Variants in FER1L6 observed in about 807,000 individuals in gnomAD.
FER1L6 encodes the protein fer-1-like protein 6.
FER1L6 carries 177 observed loss-of-function variants against 219.2 expected under a neutral mutation model. The observed-to-expected ratio is 0.81, with a 90% CI of 0.71 to 0.91. The LOEUF (loss-of-function observed/expected upper bound fraction) is 0.91, where lower values mean the gene tolerates loss of function less well. FER1L6 is among the 40% of genes least tolerant of loss of function. The pLI, the probability that FER1L6 is intolerant of heterozygous loss-of-function variation, is 0.00. For missense variants in FER1L6, 2,153 were observed against 2,259.9 expected (o/e 0.95, Z 0.96); for synonymous variants, 768 against 824.3 (o/e 0.93, Z 1.17).
chr8:124,087,575 G>A (rs1359032498), intron 33 of FER1L6, among the ~76,000 whole-genome samples: 1 of 152,094 alleles, frequency 6.6e-6, no homozygotes, highest in Non-Finnish European at 1.5e-5. Flanking sequence ...TTGGTCACTG[G>A]TGCCTTATTT....
chr8:124,003,451 CTTTTTTTTTTTTTTTTTTT>C (rs71289633), intron 13 of FER1L6, 104 bp downstream of exon 13: 6 of 111,124 alleles, frequency 5.4e-5, no homozygotes, highest in East Asian at 2.1e-4. Context: ...CAGAAATGTC[CTTTTTTTTTTTTTTTTTTT>C]TTTTTTTTTT....
chr8:124,048,201 C>G (rs1284080379), intron 21 of FER1L6, among the ~76,000 whole-genome samples: 1 of 152,232 alleles, frequency 6.6e-6, no homozygotes, highest in Non-Finnish European at 1.5e-5. Context: ...TGGGGTTGCA[C>G]ATATTGCTTC....
intron 3 of FER1L6, among the ~76,000 whole-genome samples, chr8:123,965,452 A>G (rs1815494148): frequency 6.6e-6 from 1 of 152,232 alleles, no homozygotes. Context: ...GTTTTCAATT[A>G]CTTGTGATAG....
At chr8:123,871,442 G>T (rs548582399) in intron 1 of FER1L6, among the ~76,000 whole-genome samples, 3 of 152,020 alleles carry the variant, frequency 2.0e-5, no homozygotes, top group Non-Finnish European at 4.4e-5. Flanking sequence ...AAAAGGAAGC[G>T]CTAAACACCA....
intron 1 of FER1L6, among the ~76,000 whole-genome samples, chr8:123,953,929 G>GT (rs1309369878): frequency 1.3e-5 from 2 of 152,180 alleles, no homozygotes; most frequent in African/African-American, 4.8e-5. Context: ...TCCTCCTTGT[G>GT]TATGTTCTCC....
intron 1 of FER1L6, among the ~76,000 whole-genome samples, chr8:123,943,342 C>T (rs1257902820): frequency 6.6e-6 from 1 of 152,128 alleles, no homozygotes. Context: ...TAATTACCTG[C>T]ACCTGACTTG....
At chr8:124,035,209 T>C (rs937718702) in intron 18 of FER1L6, 68 bp from the exon 19 acceptor site, 17 of 1,518,728 alleles carry the variant, frequency 1.1e-5, no homozygotes, top group South Asian at 7.6e-5. Flanking sequence ...AGGACCTCTT[T>C]TCTCAAAAGG....
rs574881452 is a variant in FER1L6 at position 124,078,323 on chromosome 8, A to G, written c.4220+1998A>G. On this transcript the variant is annotated intron_variant, in intron 32 of 40. Coordinates refer to ENST00000522917, the MANE Select transcript of FER1L6 (RefSeq NM_001039112.2). ...TGTAGGCTTTGACAGTTTCTTCCTC[A>G]TGGCTCTTATAGTTTCCCAGAATGT... Among the ~76,000 whole-genome samples, 24 of 152,154 alleles carry G rather than the reference A, an allele frequency of 1.6e-4. 1 individual carries two copies. The highest frequency in any genetic ancestry group is 1.4e-3 in the Admixed American group (22 of 15,288).
At chr8:123,857,461 G>A (rs1212095180) in intron 1 of FER1L6, among the ~76,000 whole-genome samples, 1 of 152,156 alleles carries the variant, frequency 6.6e-6, no homozygotes, top group Admixed American at 6.5e-5. Flanking sequence ...AATGAGATAT[G>A]ATCACACCAC....
Position 123,898,780 on chromosome 8 carries a change from C to T in FER1L6, c.-8+46595C>T, listed in dbSNP as rs139595911. ...ATACACATATATATGTGTATATATA[C>T]GTATGTACATATATACATATATACA... On this transcript the variant is annotated intron_variant, in intron 1 of 40. Coordinates refer to ENST00000522917, the MANE Select transcript of FER1L6 (RefSeq NM_001039112.2). Among the ~76,000 whole-genome samples the T allele has an allele frequency of 3.7e-3, 363 of 98,298 alleles. 1 individual carries two copies. Among genetic ancestry groups the T allele is most frequent in the Admixed American group, 5.3e-3 (50 of 9,388 alleles). The allele number at this position is 98,298 out of a possible 152,430, so 64.5% of individuals were successfully genotyped here.
At chr8:123,930,458 G>A (rs1054248446) in intron 1 of FER1L6, among the ~76,000 whole-genome samples, 2 of 152,126 alleles carry the variant, frequency 1.3e-5, no homozygotes, top group African/African-American at 2.4e-5. Context: ...AAACACATGC[G>A]TAGTGGATTT....
At position 123,975,975 on chromosome 8, in the gene FER1L6, G is replaced by A; in HGVS notation, c.761G>A (p.Gly254Glu). ...TATGTGAGACTCTACAAAGCAGAAG[G>A]GTTGCCCAAAATGAATTCAAGCATC... is the stretch of plus-strand genomic sequence containing the variant. ...RFYVRLYKAE[G>E]LPKMNSSIMA... Residue 254 changes from glycine to glutamate, a missense_variant, in exon 9 of 41, where the codon GGG (glycine) becomes GAG (glutamate). Physicochemically the swap from Gly to Glu is moderately conservative, Grantham distance 98 (BLOSUM62 -2). Coordinates refer to ENST00000522917, the MANE Select transcript of FER1L6 (RefSeq NM_001039112.2). 1.2e-6 allele frequency: 2 copies of A among 1,614,042 alleles called. No homozygotes were observed. The highest frequency in any genetic ancestry group is 1.7e-6 in the Non-Finnish European group (2 of 1,179,962).
chr8:123,854,772 G>A (rs1816599253), intron 1 of FER1L6, among the ~76,000 whole-genome samples: 1 of 152,104 alleles, frequency 6.6e-6, no homozygotes, highest in Non-Finnish European at 1.5e-5. Flanking sequence ...GCATGGTGGG[G>A]GATAGCGGGA....
intron 1 of FER1L6, among the ~76,000 whole-genome samples, chr8:123,895,022 G>A (rs909738700): frequency 2.0e-5 from 3 of 152,122 alleles, no homozygotes; most frequent in Admixed American, 6.5e-5. Flanking sequence ...GGAACCTGGT[G>A]GACTCCTTCT....
chr8:123,976,188 GA>G, intron 9 of FER1L6, 104 bp downstream of exon 9: 1 of 998,182 alleles, frequency 1.0e-6, no homozygotes, highest in African/African-American at 1.6e-5. Context: ...GAAGTGCCTT[GA>G]AAGCAAAAGC....
intron 1 of FER1L6, among the ~76,000 whole-genome samples, chr8:123,907,348 C>A (rs943637572): frequency 1.3e-5 from 2 of 152,134 alleles, no homozygotes; most frequent in African/African-American, 4.8e-5. Flanking sequence ...ATCAACAGAT[C>A]ACACGGTCAT....
At chr8:123,983,439 A>G (rs557179927) in intron 11 of FER1L6, among the ~76,000 whole-genome samples, 2 of 152,342 alleles carry the variant, frequency 1.3e-5, no homozygotes, top group South Asian at 4.1e-4. Context: ...GGTAAGAATA[A>G]AAATAGAGCC....
At chr8:123,859,967 T>C (rs1445336086) in intron 1 of FER1L6, among the ~76,000 whole-genome samples, 2 of 130,138 alleles carry the variant, frequency 1.5e-5, no homozygotes, top group Non-Finnish European at 3.4e-5. Flanking sequence ...ATTATTATTA[T>C]TACTATTATT....
At chr8:123,880,039 A>G (rs1474805960) in intron 1 of FER1L6, among the ~76,000 whole-genome samples, 2 of 152,186 alleles carry the variant, frequency 1.3e-5, no homozygotes, top group African/African-American at 2.4e-5. Context: ...ACACAGCTTT[A>G]GATCATATCA....
Sources: gnomAD v4.1 joint callset for allele counts (sites outside exome capture counted in the v4.1 genomes callset) on GRCh38, gnomAD v4.1.1 for gene constraint, MANE v1.5 for transcripts, NCBI Gene and HGNC (gene_info 2026-07-23, HGNC 2026-07-21) for gene names.